Variants in PCDHA3 observed in about 807,000 individuals in gnomAD.
The protein encoded by PCDHA3 is protocadherin alpha 3.
A neutral mutation model predicts 62.2 loss-of-function variants in PCDHA3; 41 were observed. That is an observed-to-expected ratio of 0.66 (90% CI 0.51 to 0.86). The LOEUF (loss-of-function observed/expected upper bound fraction) is 0.86, where lower values mean the gene tolerates loss of function less well. Among genes scored for constraint, PCDHA3 ranks in the 40% least tolerant of loss-of-function variants. The pLI is 0.00. For missense variants in PCDHA3, 1,304 were observed against 1,241.2 expected (o/e 1.05, Z -0.76); for synonymous variants, 640 against 555.4 (o/e 1.15, Z -2.14).
At chr5:140,967,086 G>C in intron 1 of PCDHA3, 3 of 1,613,210 alleles carry the variant, frequency 1.9e-6, no homozygotes, top group Non-Finnish European at 2.5e-6. Context: ...CGCATTGATC[G>C]GGAGGCGCTG....
At chr5:140,962,665 C>G (rs1457197885) in intron 1 of PCDHA3, among the ~76,000 whole-genome samples, 1 of 152,146 alleles carries the variant, frequency 6.6e-6, no homozygotes, top group African/African-American at 2.4e-5. Context: ...TTTTCATCTT[C>G]CCATCCACTG....
intron 1 of PCDHA3, chr5:140,835,765 C>T: frequency 1.9e-6 from 3 of 1,613,356 alleles, no homozygotes; most frequent in Non-Finnish European, 2.5e-6. Context: ...CCCGAGTATA[C>T]GGTGTTCGTG....
chr5:140,854,758 C>T (rs2150321610), intron 1 of PCDHA3: 1 of 149,590 alleles, frequency 6.7e-6, no homozygotes, highest in South Asian at 2.1e-4. Context: ...ATTACATTTT[C>T]ATTCCTGAAT....
intron 1 of PCDHA3, chr5:140,876,925 CAGA>C: frequency 6.2e-7 from 1 of 1,613,838 alleles, no homozygotes; most frequent in Non-Finnish European, 8.5e-7. Context: ...CGCGGACGCG[CAGA>C]AGAACGCGCT....
chr5:140,828,269 G>T (rs2150153338), intron 1 of PCDHA3: 1 of 1,614,058 alleles, frequency 6.2e-7, no homozygotes, highest in Admixed American at 1.7e-5. Context: ...GGCGGAGCTG[G>T]TGCCGCGCCT....
chr5:140,836,455 C>G, intron 1 of PCDHA3: 1 of 1,613,840 alleles, frequency 6.2e-7, no homozygotes, highest in Non-Finnish European at 8.5e-7. Flanking sequence ...GGCCCAGAGA[C>G]CGAGCTGGTG....
chr5:140,902,756 C>A (rs1434955469), intron 1 of PCDHA3, among the ~76,000 whole-genome samples: 1 of 150,258 alleles, frequency 6.7e-6, no homozygotes, highest in Admixed American at 6.6e-5. Flanking sequence ...TTATATCATT[C>A]TTATGTCTTT....
chr5:140,809,628 C>T, intron 1 of PCDHA3: 2 of 1,506,716 alleles, frequency 1.3e-6, no homozygotes, highest in Non-Finnish European at 1.8e-6. Flanking sequence ...CTATCAACTT[C>T]TTCGTAAATT....
At chr5:140,896,541 T>C (rs2065612579) in intron 1 of PCDHA3, among the ~76,000 whole-genome samples, 1 of 151,728 alleles carries the variant, frequency 6.6e-6, no homozygotes, top group South Asian at 2.1e-4. Flanking sequence ...TTTTTCTTTT[T>C]TTTTTTTGTA....
chr5:140,998,836 T>C (rs1388208720), intron 3 of PCDHA3, among the ~76,000 whole-genome samples: 2 of 152,254 alleles, frequency 1.3e-5, no homozygotes, highest in Non-Finnish European at 2.9e-5. Context: ...AGTGCTGGAT[T>C]ACTGGTGTGA....
intron 2 of PCDHA3, among the ~76,000 whole-genome samples, chr5:140,979,831 A>G (rs1401761792): frequency 5.3e-5 from 8 of 152,236 alleles, no homozygotes; most frequent in African/African-American, 1.9e-4. Context: ...TTAAAGAAGA[A>G]ATAATCTTCA....
At chr5:140,934,738 C>T (rs1342430086) in intron 1 of PCDHA3, among the ~76,000 whole-genome samples, 1 of 152,078 alleles carries the variant, frequency 6.6e-6, no homozygotes, top group Admixed American at 6.5e-5. Flanking sequence ...TTTTAGGTGT[C>T]ATTATGAACT....
chr5:140,848,458 G>A lies in PCDHA3; in HGVS notation c.2394+44867G>A, dbSNP rs2150410846. 52 of 1,529,436 alleles carry A rather than the reference G, an allele frequency of 3.4e-5. 3 individuals are homozygous for A. The South Asian group carries it at 5.9e-4, about 17-fold the overall frequency. The allele number at this position is 1,529,436 out of a possible 1,614,324, so 94.7% of individuals were successfully genotyped here. ...TCAGATGATTTCTTCTAATTTGGAG[G>A]CAATTTTCACTAATTAGAAGAAGAC... On this transcript the variant is annotated intron_variant, in intron 1 of 3. Transcript: ENST00000522353.
chr5:140,882,818 A>G, intron 1 of PCDHA3: 1 of 1,614,226 alleles, frequency 6.2e-7, no homozygotes, highest in Non-Finnish European at 8.5e-7. Flanking sequence ...GGACGCACAA[A>G]ACAGTCTTGA....
chr5:140,974,680 T>C (rs2096636478), intron 1 of PCDHA3, among the ~76,000 whole-genome samples: 1 of 152,074 alleles, frequency 6.6e-6, no homozygotes, highest in African/African-American at 2.4e-5. Flanking sequence ...CCTGGCTAAT[T>C]TTGTATTTTT....
rs782589053 is a variant in PCDHA3, at chr5:140,801,233, G to C, written c.36G>C (p.Gln12His). ...CCTGGCGAGAAGATCCTGGAGCCCA[G>C]TGCCTGCTGCTTTCTCTTCTGCTCC... is the stretch of plus-strand genomic sequence containing the variant. The part of the protein sequence containing the change: ...LFSWREDPGA[Q>H]CLLLSLLLLA... Residue 12 changes from glutamine (Q) to histidine (H), a missense_variant, in exon 1 of 4, where the codon CAG becomes CAC. Transcript: ENST00000522353. The C allele has an allele frequency of 6.2e-7, 1 of 1,612,774 alleles. No homozygotes were observed. The highest frequency in any genetic ancestry group is 1.3e-5 in the African/African-American group (1 of 75,018).
chr5:140,968,077 C>A lies in PCDHA3; in HGVS notation c.2395-10872C>A, dbSNP rs1274008262. 2.5e-6 allele frequency: 4 copies of A among 1,614,020 alleles called. No homozygotes were observed. In the African/African-American group the frequency reaches 4.0e-5, roughly 16 times the overall value. On this transcript the variant is annotated intron_variant, in intron 1 of 3. Coordinates refer to ENST00000522353, the MANE Select transcript of PCDHA3 (RefSeq NM_018906.3). ...GAGAGCGGGTGGCTGTCTACAACAT[C>A]ACGGTGACAGCCACAGATGGGGGAA...
intron 1 of PCDHA3, among the ~76,000 whole-genome samples, chr5:140,846,109 A>C (rs1780201260): frequency 6.7e-6 from 1 of 149,748 alleles, no homozygotes; most frequent in Non-Finnish European, 1.5e-5. Context: ...TGTGTAGACT[A>C]TCTTACTTTG....
chr5:140,846,361 T>TTTTC lies in PCDHA3; in HGVS notation c.2394+42782_2394+42785dup, dbSNP rs1362162129. ...AAAGTGCTTTCTCTTTTTTCTTTTC[T>TTTTC]TTTCTTTCTTTCTTTTTTTTTTTTT... is the stretch of plus-strand genomic sequence containing the variant. On this transcript the variant is annotated intron_variant, in intron 1 of 3. Coordinates refer to ENST00000522353, the MANE Select transcript of PCDHA3 (RefSeq NM_018906.3). 1.5e-5 allele frequency among the ~76,000 whole-genome samples: 2 copies of TTTTC among 133,632 alleles called. 1 individual carries two copies. Among genetic ancestry groups the TTTTC allele is most frequent in the Non-Finnish European group, 3.2e-5 (2 of 63,348 alleles). 87.7% of individuals were successfully genotyped at this position (133,632 alleles called of 152,430 possible). A position where few individuals can be genotyped will look rare whatever the true frequency, so the allele number is the denominator to read the frequency against.
Sources: allele counts gnomAD v4.1 joint callset (sites outside exome capture counted in the v4.1 genomes callset), GRCh38; gene constraint gnomAD v4.1.1; transcripts MANE v1.5; gene names NCBI Gene and HGNC (gene_info 2026-07-23, HGNC 2026-07-21).